C1QTNF6: variants seen among roughly 807,000 people sequenced by gnomAD.
C1QTNF6 encodes C1q and TNF related 6.
A neutral mutation model predicts 20.7 loss-of-function variants in C1QTNF6; 17 were observed. The ratio of observed to expected loss-of-function variants is 0.82; its 90% CI spans 0.56 to 1.23. C1QTNF6 has a LOEUF of 1.23. Ranked by LOEUF, C1QTNF6 falls within the 50% of genes most tolerant of loss-of-function variation. The probability of loss-of-function intolerance (pLI) is 0.00; values close to 1 mark genes in which losing one functional copy is unlikely to be tolerated. For synonymous variants in C1QTNF6, 130 were observed against 156.3 expected, an observed-to-expected ratio of 0.83 and a Z score of 1.25; for missense variants, 329 against 389.7, an observed-to-expected ratio of 0.84 and a Z score of 1.31.
intron 1 of C1QTNF6, among the ~76,000 whole-genome samples, chr22:37,186,225 A>G (rs1234018441): frequency 1.3e-5 from 2 of 152,206 alleles, no homozygotes; most frequent in Non-Finnish European, 2.9e-5. Flanking sequence ...TGTGCAAAGC[A>G]AAGAAGGTGC....
intron 1 of C1QTNF6, 45 bp from the exon 2 acceptor site, chr22:37,185,500 C>A: frequency 6.6e-7 from 1 of 1,515,952 alleles, no homozygotes; most frequent in Non-Finnish European, 8.8e-7. Flanking sequence ...CACTCAACAT[C>A]TACTATGTGC....
chr22:37,192,547 AG>A (rs1346629527), upstream of C1QTNF6, among the ~76,000 whole-genome samples: 1 of 152,260 alleles, frequency 6.6e-6, no homozygotes, highest in Non-Finnish European at 1.5e-5. Context: ...TGAGGCATTT[AG>A]CAAACCTAAA....
upstream of C1QTNF6, among the ~76,000 whole-genome samples, chr22:37,191,923 A>T (rs558152881): frequency 1.3e-5 from 2 of 152,318 alleles, no homozygotes; most frequent in South Asian, 4.1e-4. Context: ...AGAGTCTCAT[A>T]AACCTTTTAT....
At chr22:37,187,145 G>T (rs1405778063) in intron 1 of C1QTNF6, among the ~76,000 whole-genome samples, 1 of 152,160 alleles carries the variant, frequency 6.6e-6, no homozygotes, top group Non-Finnish European at 1.5e-5. Context: ...AAGGGGGCTG[G>T]ACAGGAAGTC....
chr22:37,185,146 GC>G, intron 2 of C1QTNF6, 71 bp downstream of exon 2: 1 of 1,488,174 alleles, frequency 6.7e-7, no homozygotes, highest in Non-Finnish European at 8.9e-7. Flanking sequence ...TTTCCGCCCT[GC>G]CCTCTACTCC....
upstream of C1QTNF6, among the ~76,000 whole-genome samples, chr22:37,189,957 T>C (rs971111381): frequency 2.6e-5 from 4 of 152,228 alleles, no homozygotes; most frequent in Admixed American, 1.3e-4. Context: ...GATGAGCTGA[T>C]ACGGAGTTGC....
chr22:37,188,043 G>T, intron 1 of C1QTNF6, 120 bp downstream of exon 1: 1 of 1,041,036 alleles, frequency 9.6e-7, no homozygotes, highest in Non-Finnish European at 1.4e-6. Context: ...AGCCTGGAGA[G>T]GCTGTCCCAG....
At chr22:37,189,231 T>C (rs1924651046), upstream of C1QTNF6, among the ~76,000 whole-genome samples, 1 of 152,194 alleles carries the variant, frequency 6.6e-6, no homozygotes, top group African/African-American at 2.4e-5. Flanking sequence ...CAATGAGCAA[T>C]AAGGATGACC....
At chr22:37,182,967 T>C (rs1923936794) in intron 2 of C1QTNF6, 2 of 1,386,998 alleles carry the variant, frequency 1.4e-6, no homozygotes, top group Non-Finnish European at 1.9e-6. Context: ...GGCCACACAG[T>C]GCAGGAGCAG....
At chr22:37,186,034 G>T in intron 1 of C1QTNF6, 1 of 985,528 alleles carries the variant, frequency 1.0e-6, no homozygotes, top group Non-Finnish European at 1.2e-6. Context: ...TTTGGTGTGA[G>T]AACACCATAG....
At position 37,182,225 on chromosome 22, in the gene C1QTNF6, G is replaced by T; in HGVS notation, c.800C>A (p.Thr267Asn). 6.2e-7 allele frequency: 1 copy of T among 1,613,906 alleles called. No homozygotes were observed. The highest frequency in any genetic ancestry group is 8.5e-7 in the Non-Finnish European group (1 of 1,179,862). Residue 267 changes from threonine (T) to asparagine (N), a missense_variant, in exon 3 of 3, where the codon ACC becomes AAC. Thr to Asn is a moderately conservative substitution (Grantham distance 65, BLOSUM62 0). Coordinates refer to ENST00000337843, the MANE Select transcript of C1QTNF6 (RefSeq NM_031910.4). ...IYSNDFDTYI[T>N]FSGHLIKAED... Reference sequence around the variant, plus strand: ...GGCCTTGATGAGGTGGCCGCTGAAGGTGATGTAGGTGTCGAAGTCGTTGCT... The same window carrying T: ...GGCCTTGATGAGGTGGCCGCTGAAGTTGATGTAGGTGTCGAAGTCGTTGCT...
At chr22:37,183,743 G>A (rs972692645) in intron 2 of C1QTNF6, among the ~76,000 whole-genome samples, 15 of 152,246 alleles carry the variant, frequency 9.9e-5, no homozygotes, top group East Asian at 3.8e-4. Flanking sequence ...TGGCTCCACC[G>A]CCTGGCTGGA....
At position 37,184,478 on chromosome 22, in the gene C1QTNF6, C is replaced by T; in HGVS notation, c.289+740G>A. 3 of 714,144 alleles carry T rather than the reference C, an allele frequency of 4.2e-6. No individual in the cohort carries two copies. The highest frequency in any genetic ancestry group is 7.8e-6 in the Non-Finnish European group (3 of 384,158). 44.2% of individuals were successfully genotyped at this position (714,144 alleles called of 1,614,324 possible). On this transcript the variant is annotated intron_variant, in intron 2 of 2. Coordinates refer to ENST00000337843, the MANE Select transcript of C1QTNF6 (RefSeq NM_031910.4). This position sits in a 1 kb window ranked among gnomAD's most constrained non-coding sequence, Gnocchi z 4.0. ...GTAGCCAGCCCGCACCTGGACGGCCCTCACCTGGATGCCTTTCACCTGGAC... is the reference window on the plus strand; with the variant it reads ...GTAGCCAGCCCGCACCTGGACGGCCTTCACCTGGATGCCTTTCACCTGGAC...
At chr22:37,194,974 C>T (rs751273159) in intron 2 of C1QTNF6, among the ~76,000 whole-genome samples, 1 of 150,820 alleles carries the variant, frequency 6.6e-6, no homozygotes, top group Non-Finnish European at 1.5e-5. Context: ...GACACTGGAT[C>T]AATAGTTCAG....
intron 2 of C1QTNF6, among the ~76,000 whole-genome samples, chr22:37,194,220 C>A (rs1463602125): frequency 6.6e-6 from 1 of 152,150 alleles, no homozygotes; most frequent in East Asian, 1.9e-4. Context: ...GTTTGCTGGG[C>A]CAACTTGAAT....
upstream of C1QTNF6, chr22:37,197,750 T>A (rs372783355): frequency 2.0e-4 from 30 of 152,382 alleles, no homozygotes; most frequent in African/African-American, 6.7e-4. Context: ...TTCCCTCCCA[T>A]TAGCTTTGAC....
chr22:37,193,726 T>C (rs1924954652), intron 2 of C1QTNF6, among the ~76,000 whole-genome samples: 1 of 152,182 alleles, frequency 6.6e-6, no homozygotes, highest in Non-Finnish European at 1.5e-5. Context: ...ACAAGGTATT[T>C]TCAAAGAGGT....
rs546160265 is a variant in C1QTNF6, at chr22:37,184,456, G to A, written c.289+762C>T. 104 of 716,904 alleles carry A rather than the reference G, an allele frequency of 1.5e-4. No homozygotes were observed. In the African/African-American group the frequency reaches 1.6e-3, roughly 11 times the overall value. 44.4% of individuals were successfully genotyped at this position (716,904 alleles called of 1,614,324 possible). A position where few individuals can be genotyped will look rare whatever the true frequency, so the allele number is the denominator to read the frequency against. On this transcript the variant is annotated intron_variant, in intron 2 of 2. Coordinates refer to ENST00000337843, the MANE Select transcript of C1QTNF6 (RefSeq NM_031910.4). This position sits in a 1 kb window ranked among gnomAD's most constrained non-coding sequence, Gnocchi z 4.0. ...CCACGTCCTATTGAGAGAGCGGGTA[G>A]CCAGCCCGCACCTGGACGGCCCTCA...
chr22:37,187,544 C>A (rs1013689557), intron 1 of C1QTNF6, among the ~76,000 whole-genome samples: 7 of 147,410 alleles, frequency 4.7e-5, no homozygotes, highest in African/African-American at 1.0e-4. Flanking sequence ...GATTTCAATG[C>A]AGGAAAAGTG....
Sources: gnomAD v4.1 joint callset for allele counts (sites outside exome capture counted in the v4.1 genomes callset) on GRCh38, gnomAD v4.1.1 for gene constraint, Gnocchi (gnomAD v3.1) non-coding constraint, MANE v1.5 for transcripts, NCBI Gene and HGNC (gene_info 2026-07-23, HGNC 2026-07-21) for gene names.